The following PLXNA2 variants were observed in gnomAD, a reference collection of about 807,000 sequenced individuals.
PLXNA2 encodes the protein plexin A2, also known as plexin-A2.
In PLXNA2, 91 loss-of-function variants were observed where a neutral mutation model predicts 193.5. That is an observed-to-expected ratio of 0.47 (90% confidence interval 0.40 to 0.56). PLXNA2 has a LOEUF of 0.56. Among genes scored for constraint, PLXNA2 ranks in the 20% least tolerant of loss-of-function variants. The pLI, the probability that PLXNA2 is intolerant of heterozygous loss-of-function variation, is 0.00. For synonymous variants in PLXNA2, 997 were observed against 1,027.3 expected (o/e 0.97, Z 0.56); for missense variants, 1,995 against 2,503.2 (o/e 0.80, Z 4.33).
intron 26 of PLXNA2, among the ~76,000 whole-genome samples, chr1:208,036,905 C>T (rs1180174759): frequency 6.6e-6 from 1 of 152,124 alleles, no homozygotes; most frequent in East Asian, 1.9e-4. Flanking sequence ...GCAGAAAGAC[C>T]CCACTCCTGC....
In PLXNA2 at chr1:208,161,520, C is replaced by T. The variant is rs575828594; in HGVS notation, c.1372-19057G>A. 9.9e-5 allele frequency among the ~76,000 whole-genome samples: 15 copies of T among 152,232 alleles called. No individual in the cohort carries two copies. The East Asian group carries it at 1.4e-3, about 14-fold the overall frequency. On this transcript the variant is annotated intron_variant, in intron 3 of 31. Coordinates refer to ENST00000367033, the MANE Select transcript of PLXNA2 (RefSeq NM_025179.4). Reference sequence around the variant, plus strand: ...AACAGTCCTGAAATGTGCAACTTCACGAGAGAGTAGATTACTAATACGCAA... The same window carrying T: ...AACAGTCCTGAAATGTGCAACTTCATGAGAGAGTAGATTACTAATACGCAA...
chr1:208,147,292 G>C (rs1000308428), intron 3 of PLXNA2, among the ~76,000 whole-genome samples: 4 of 152,118 alleles, frequency 2.6e-5, no homozygotes, highest in African/African-American at 9.7e-5. Context: ...CGAAGTGCTA[G>C]GATTACAGGT....
chr1:208,063,944 C>T (rs1250218126), intron 12 of PLXNA2, among the ~76,000 whole-genome samples: 1 of 152,064 alleles, frequency 6.6e-6, no homozygotes, highest in Non-Finnish European at 1.5e-5. Context: ...CTCCACTTCC[C>T]CATGTATCTC....
chr1:208,170,754 A>G (rs2102530089), intron 3 of PLXNA2, among the ~76,000 whole-genome samples: 1 of 152,294 alleles, frequency 6.6e-6, no homozygotes, highest in South Asian at 2.1e-4. Flanking sequence ...ACAATTAACC[A>G]TTATTGGTTG....
At chr1:208,172,156 G>A (rs1669515877) in intron 3 of PLXNA2, among the ~76,000 whole-genome samples, 1 of 150,764 alleles carries the variant, frequency 6.6e-6, no homozygotes, top group Non-Finnish European at 1.5e-5. Context: ...TTGCACCAAC[G>A]TAACAGCAGC....
At chr1:208,175,742 G>A (rs1545341) in intron 3 of PLXNA2, among the ~76,000 whole-genome samples, 30,661 of 152,164 alleles carry the variant, frequency 0.2, 3,860 homozygotes, top group East Asian at 0.49. Flanking sequence ...ATAGCCCCAG[G>A]GAGCAACAAC....
In PLXNA2 at chr1:208,052,509, A is replaced by G. The variant is rs143199227; in HGVS notation, c.2857-46T>C. The stretch of plus-strand genomic sequence containing the variant: ...ATGACTACAGCTTAGGTTTTCTCCA[A>G]AAGGATGGACCATGGTTAGATCTAA... On this transcript the variant is annotated intron_variant, in intron 14 of 31. Transcript: ENST00000367033. The G allele has an allele frequency of 1.6e-4, 258 of 1,598,902 alleles. No homozygotes were observed. The African/African-American group carries it at 3.1e-3, about 19-fold the overall frequency.
intron 6 of PLXNA2, among the ~76,000 whole-genome samples, chr1:208,097,165 G>A (rs1249080863): frequency 6.6e-6 from 1 of 152,160 alleles, no homozygotes; most frequent in African/African-American, 2.4e-5. Flanking sequence ...TAGAGGGAAA[G>A]GTACCAAAAT....
rs117461052 is a variant in PLXNA2 at position 208,145,806 on chromosome 1, C to T, written c.1372-3343G>A. Reference sequence around the variant, plus strand: ...AATCTTTTAATAAGCCAGTTGAAGCCAGAATCAAACCTACATAAGTCTCAA... The same window carrying T: ...AATCTTTTAATAAGCCAGTTGAAGCTAGAATCAAACCTACATAAGTCTCAA... On this transcript the variant is annotated intron_variant, in intron 3 of 31. Coordinates refer to ENST00000367033, the MANE Select transcript of PLXNA2 (RefSeq NM_025179.4). Among the ~76,000 whole-genome samples the T allele has an allele frequency of 5.1e-4, 77 of 152,292 alleles. No homozygotes were observed. The East Asian group carries it at 8.9e-3, about 18-fold the overall frequency.
intron 1 of PLXNA2, among the ~76,000 whole-genome samples, chr1:208,222,003 C>G (rs1044391365): frequency 3.9e-5 from 6 of 152,176 alleles, no homozygotes; most frequent in African/African-American, 1.4e-4. Flanking sequence ...TATAAAAGCA[C>G]TTAGAACAGT....
In PLXNA2 at chr1:208,210,340, G is replaced by A; in HGVS notation, c.1311C>T (p.Ser437=). ...CCACGCTGTAGCCGTTGTAAACGTA[G>A]GAGGCCACAGAGGTCATGCGGTCCC... The part of the protein sequence containing the change: ...TSRDRMTSVA[S]YVYNGYSVVF... Residue 437 remains serine (S), a synonymous_variant, in exon 3 of 32, where the codon TCC becomes TCT. Coordinates refer to ENST00000367033, the MANE Select transcript of PLXNA2 (RefSeq NM_025179.4). The A allele has an allele frequency of 4.3e-6, 7 of 1,614,008 alleles. No homozygotes were observed. The highest frequency in any genetic ancestry group is 5.9e-6 in the Non-Finnish European group (7 of 1,180,012).
chr1:208,044,864 G>C lies in PLXNA2; in HGVS notation c.3640-122C>G. ...ACCACAACCACACAGTGCAGCTCTAGATAAAAAGCAATTTCCTGCCTCGGC... is the reference window on the plus strand; with the variant it reads ...ACCACAACCACACAGTGCAGCTCTACATAAAAAGCAATTTCCTGCCTCGGC... On this transcript the variant is annotated intron_variant, in intron 19 of 31. Transcript: ENST00000367033. This position sits in a 1 kb window ranked among gnomAD's most constrained non-coding sequence, Gnocchi z 4.9. 1.0e-6 allele frequency: 1 copy of C among 990,800 alleles called. No individual in the cohort carries two copies. The highest frequency in any genetic ancestry group is 1.5e-6 in the Non-Finnish European group (1 of 663,706). 61.4% of individuals were successfully genotyped at this position (990,800 alleles called of 1,614,324 possible). A position where few individuals can be genotyped will look rare whatever the true frequency, so the allele number is the denominator to read the frequency against.
intron 26 of PLXNA2, among the ~76,000 whole-genome samples, chr1:208,035,290 C>T (rs1164861489): frequency 6.6e-6 from 1 of 152,204 alleles, no homozygotes; most frequent in Non-Finnish European, 1.5e-5. Flanking sequence ...AGCACATGTT[C>T]TCTTCATTAT....
chr1:208,084,327 C>T (rs1186244638), intron 10 of PLXNA2, 53 bp downstream of exon 10: 18 of 1,581,286 alleles, frequency 1.1e-5, no homozygotes, highest in Admixed American at 3.3e-5. Context: ...GGCCCCAGCA[C>T]GAGTGTGAGA....
At chr1:208,241,318 G>A (rs77592880) in intron 1 of PLXNA2, among the ~76,000 whole-genome samples, 5,676 of 152,322 alleles carry the variant, frequency 0.037, 154 homozygotes, top group South Asian at 0.075. Context: ...GGTCAAGAGA[G>A]TTGCAGGGTG....
intron 12 of PLXNA2, among the ~76,000 whole-genome samples, chr1:208,068,100 C>T (rs1665855825): frequency 1.3e-5 from 2 of 152,316 alleles, no homozygotes; most frequent in Middle Eastern, 3.4e-3. Flanking sequence ...CTGCTTATTC[C>T]CTCAATAAGA....
At chr1:208,136,144 T>A (rs1032158456) in intron 4 of PLXNA2, among the ~76,000 whole-genome samples, 1 of 152,210 alleles carries the variant, frequency 6.6e-6, no homozygotes, top group African/African-American at 2.4e-5. Flanking sequence ...TAGCCCCTTG[T>A]CCTTCTAGTC....
At chr1:208,167,695 T>C (rs1229137584) in intron 3 of PLXNA2, among the ~76,000 whole-genome samples, 1 of 152,234 alleles carries the variant, frequency 6.6e-6, no homozygotes, top group African/African-American at 2.4e-5. Context: ...TCAGCTGCGC[T>C]CTTCCCTAAC....
At position 208,032,659 on chromosome 1, in the gene PLXNA2, C is replaced by T. The variant is rs189601146; in HGVS notation, c.5055+660G>A. Among the ~76,000 whole-genome samples, 663 of 151,834 alleles carry T rather than the reference C, an allele frequency of 4.4e-3. 3 individuals are homozygous for T. The highest frequency in any genetic ancestry group is 7.8e-3 in the Non-Finnish European group (529 of 67,832). ...ACTTACAGGCTTATTTTGCTACCTGCTAGGAAGGCTAAAAGATGAAGCCTC... is the reference window on the plus strand; with the variant it reads ...ACTTACAGGCTTATTTTGCTACCTGTTAGGAAGGCTAAAAGATGAAGCCTC... On this transcript the variant is annotated intron_variant, in intron 28 of 31. Transcript: ENST00000367033.
Sources: allele counts gnomAD v4.1 joint callset (sites outside exome capture counted in the v4.1 genomes callset), GRCh38; gene constraint gnomAD v4.1.1; non-coding constraint Gnocchi (gnomAD v3.1); transcripts MANE v1.5; gene names NCBI Gene and HGNC (gene_info 2026-07-23, HGNC 2026-07-21).